GABRB2: variants seen among roughly 807,000 people sequenced by gnomAD.
The protein encoded by GABRB2 is gamma-aminobutyric acid receptor subunit beta-2.
A neutral mutation model predicts 54.7 loss-of-function variants in GABRB2; 16 were observed. That is an observed-to-expected ratio of 0.29 (90% CI 0.20 to 0.44). GABRB2 has a LOEUF of 0.44. Ranked by LOEUF, GABRB2 falls within the 20% of genes least tolerant of loss-of-function variation. The probability of loss-of-function intolerance (pLI) is 1.00; values close to 1 mark genes in which losing one functional copy is unlikely to be tolerated. For synonymous variants in GABRB2, 244 were observed against 233.8 expected (o/e 1.04, Z -0.40); for missense variants, 355 against 644.0 (o/e 0.55, Z 4.86).
rs535354433 is a variant in GABRB2, at chr5:161,536,519, T to C, written c.237+8708A>G. Among the ~76,000 whole-genome samples the C allele has an allele frequency of 3.3e-5, 5 of 152,334 alleles. No individual in the cohort carries two copies. In the South Asian group the frequency reaches 1.0e-3, roughly 32 times the overall value. ...AAGTGTTTAGTATGTTCACAGAGAA[T>C]ATGTAAGTCTTCAGGCAAGCCTTTA... On this transcript the variant is annotated intron_variant, in intron 3 of 9. Coordinates refer to ENST00000393959, the MANE Select transcript of GABRB2 (RefSeq NM_001371727.1).
intron 9 of GABRB2, among the ~76,000 whole-genome samples, chr5:161,306,294 A>G (rs1757688794): frequency 6.6e-6 from 1 of 152,250 alleles, no homozygotes; most frequent in African/African-American, 2.4e-5. Context: ...TAATGTTTGA[A>G]TCCTTCTAAA....
At chr5:161,374,898 G>C (rs186074586) in intron 5 of GABRB2, among the ~76,000 whole-genome samples, 1 of 151,960 alleles carries the variant, frequency 6.6e-6, no homozygotes, top group Non-Finnish European at 1.5e-5. Flanking sequence ...TCAGCTTATT[G>C]CTGAGGACAG....
chr5:161,300,832 G>C (rs1409281764), intron 9 of GABRB2, among the ~76,000 whole-genome samples: 1 of 152,166 alleles, frequency 6.6e-6, no homozygotes, highest in East Asian at 1.9e-4. Flanking sequence ...TCAAATAAAG[G>C]AGTAGCAGAG....
chr5:161,475,014 A>C (rs1272720895), intron 3 of GABRB2, among the ~76,000 whole-genome samples: 1 of 151,964 alleles, frequency 6.6e-6, no homozygotes, highest in Non-Finnish European at 1.5e-5. Context: ...AGAAGGCAAA[A>C]TGTCAACACA....
At chr5:161,436,700 C>A (rs1757321863) in intron 4 of GABRB2, among the ~76,000 whole-genome samples, 1 of 152,056 alleles carries the variant, frequency 6.6e-6, no homozygotes, top group African/African-American at 2.4e-5. Context: ...ATTCGTAGTA[C>A]CTGTTTTTAC....
At chr5:161,334,608 A>C (rs1384803152) in intron 7 of GABRB2, 144 bp downstream of exon 7, 1 of 733,826 alleles carries the variant, frequency 1.4e-6, no homozygotes, top group African/African-American at 1.8e-5. Flanking sequence ...CAGATCACCC[A>C]AAGTCTCATA....
At chr5:161,540,247 A>T (rs1350341042) in intron 3 of GABRB2, among the ~76,000 whole-genome samples, 1 of 152,246 alleles carries the variant, frequency 6.6e-6, no homozygotes, top group Non-Finnish European at 1.5e-5. Context: ...CACTTCAACA[A>T]TGTTCACAGC....
intron 3 of GABRB2, among the ~76,000 whole-genome samples, chr5:161,499,768 G>C (rs900468774): frequency 6.6e-6 from 1 of 152,150 alleles, no homozygotes; most frequent in South Asian, 2.1e-4. Flanking sequence ...ATCATTCTAG[G>C]AGGATGCATA....
chr5:161,405,684 T>C (rs1489070719), intron 5 of GABRB2, among the ~76,000 whole-genome samples: 4 of 152,094 alleles, frequency 2.6e-5, no homozygotes, highest in African/African-American at 4.8e-5. Flanking sequence ...AGAAACACAA[T>C]GCACTTTTCA....
chr5:161,306,461 AT>A (rs1326832774), intron 9 of GABRB2, among the ~76,000 whole-genome samples: 2 of 152,016 alleles, frequency 1.3e-5, no homozygotes, highest in East Asian at 3.9e-4. Context: ...CTTGTTTTTT[AT>A]TTATTTGTCC....
intron 5 of GABRB2, among the ~76,000 whole-genome samples, chr5:161,397,831 C>T (rs1390779835): frequency 6.6e-6 from 1 of 152,104 alleles, no homozygotes; most frequent in African/African-American, 2.4e-5. Context: ...GAGCATGACA[C>T]CTGAGGATAG....
chr5:161,434,486 C>T (rs1274678083), intron 4 of GABRB2, among the ~76,000 whole-genome samples: 1 of 152,094 alleles, frequency 6.6e-6, no homozygotes, highest in African/African-American at 2.4e-5. Flanking sequence ...CATAGTTCTC[C>T]AGCTCATAGC....
Position 161,291,913 on chromosome 5 carries a change from G to C in GABRB2, c.*2168C>G, listed in dbSNP as rs1426779980. The C allele has an allele frequency of 6.6e-6, 1 of 152,130 alleles. No individual in the cohort carries two copies. The highest frequency in any genetic ancestry group is 1.5e-5 in the Non-Finnish European group (1 of 68,002). 9.4% of individuals were successfully genotyped at this position (152,130 alleles called of 1,614,324 possible). ...TTTACCCCCTGTTGACAAGGGGCAGGCACTTTACTTAGTGTGATGCCCCAA... is the reference window on the plus strand; with the variant it reads ...TTTACCCCCTGTTGACAAGGGGCAGCCACTTTACTTAGTGTGATGCCCCAA... On this transcript the variant is annotated 3_prime_UTR_variant, in exon 10 of 10. Transcript: ENST00000393959.
chr5:161,338,462 T>C (rs1459065967), intron 5 of GABRB2, among the ~76,000 whole-genome samples: 2 of 152,148 alleles, frequency 1.3e-5, no homozygotes, highest in Non-Finnish European at 2.9e-5. Context: ...TGCTTTGCTA[T>C]AAATTCTTTT....
At chr5:161,420,728 T>C (rs1304319566) in intron 4 of GABRB2, among the ~76,000 whole-genome samples, 2 of 152,182 alleles carry the variant, frequency 1.3e-5, no homozygotes, top group African/African-American at 4.8e-5. Context: ...CTTCTTTTTG[T>C]AAATAGTCTT....
intron 9 of GABRB2, among the ~76,000 whole-genome samples, chr5:161,306,899 T>G (rs936204514): frequency 6.6e-6 from 1 of 152,098 alleles, no homozygotes; most frequent in African/African-American, 2.4e-5. Context: ...GCGCACTGTG[T>G]CCAGCAAAAG....
Position 161,334,406 on chromosome 5 carries a change from C to T in GABRB2, c.832+346G>A, listed in dbSNP as rs976602346. Among the ~76,000 whole-genome samples, 22 of 151,956 alleles carry T rather than the reference C, an allele frequency of 1.4e-4. 1 individual carries two copies. Among genetic ancestry groups the T allele is most frequent in the South Asian group, 6.2e-4 (3 of 4,816 alleles). On this transcript the variant is annotated intron_variant, in intron 7 of 9. Coordinates refer to ENST00000393959, the MANE Select transcript of GABRB2 (RefSeq NM_001371727.1). ...TTCTTGTCTTTCATGGAGAAAAAAA[C>T]GTAGAAGGGAGGTCTTCTTAGGTAA...
At chr5:161,486,608 A>T (rs576856756) in intron 3 of GABRB2, among the ~76,000 whole-genome samples, 5 of 151,828 alleles carry the variant, frequency 3.3e-5, no homozygotes, top group Non-Finnish European at 5.9e-5. Context: ...TTTGAAGTGC[A>T]TCAGTGTGTG....
At chr5:161,408,153 G>T (rs770179645) in intron 5 of GABRB2, among the ~76,000 whole-genome samples, 14 of 151,868 alleles carry the variant, frequency 9.2e-5, no homozygotes, top group Non-Finnish European at 1.6e-4. Context: ...AATATGAAAG[G>T]CTCCAAAATC....
Sources: allele counts gnomAD v4.1 joint callset (sites outside exome capture counted in the v4.1 genomes callset), GRCh38; gene constraint gnomAD v4.1.1; transcripts MANE v1.5; gene names NCBI Gene and HGNC (gene_info 2026-07-23, HGNC 2026-07-21).